Variants in TMEM108 observed in about 807,000 individuals in gnomAD.
TMEM108 encodes the protein transmembrane protein 108.
In TMEM108, 12 loss-of-function variants were observed where a neutral mutation model predicts 35.1. The observed-to-expected ratio is 0.34, with a 90% confidence interval of 0.22 to 0.55. TMEM108 has a LOEUF of 0.55. Ranked by LOEUF, TMEM108 falls within the 20% of genes least tolerant of loss-of-function variation. TMEM108 has a pLI of 0.89. For synonymous variants in TMEM108, 287 were observed against 308.6 expected (o/e 0.93, Z 0.73); for missense variants, 680 against 753.3 (o/e 0.90, Z 1.14).
At chr3:133,226,477 G>T (rs1946072776) in intron 2 of TMEM108, among the ~76,000 whole-genome samples, 1 of 152,168 alleles carries the variant, frequency 6.6e-6, no homozygotes. Context: ...CTAGAGTCAG[G>T]TTGGAATTTG....
In TMEM108 at chr3:133,075,267, T is replaced by A. The variant is rs559017632; in HGVS notation, c.-47+29247T>A. 6.6e-5 allele frequency among the ~76,000 whole-genome samples: 10 copies of A among 152,278 alleles called. No homozygotes were observed. In the East Asian group the frequency reaches 1.9e-3, roughly 29 times the overall value. Reference sequence around the variant, plus strand: ...GGGAGTCAAATTGCTGGGTCATACTTAATTTAACTAAGTAGTATTGGATTG... The same window carrying A: ...GGGAGTCAAATTGCTGGGTCATACTAAATTTAACTAAGTAGTATTGGATTG... On this transcript the variant is annotated intron_variant, in intron 2 of 5. Transcript: ENST00000321871.
At chr3:133,304,566 C>G (rs969489886) in intron 3 of TMEM108, among the ~76,000 whole-genome samples, 1 of 152,040 alleles carries the variant, frequency 6.6e-6, no homozygotes, top group Non-Finnish European at 1.5e-5. Flanking sequence ...TTTACCTTCT[C>G]CAGATTATTC....
At position 133,390,162 on chromosome 3, in the gene TMEM108, C is replaced by CTTGCT. The variant is rs2073213225; in HGVS notation, c.1451-14_1451-13insTTTGC. On this transcript the variant is annotated splice_polypyrimidine_tract_variant and intron_variant, in intron 4 of 5. Coordinates refer to ENST00000321871, the MANE Select transcript of TMEM108 (RefSeq NM_023943.4). Reference sequence around the variant, plus strand: ...CTTGCTGCCTCCCTCTCCTCTCTGACTTGCACTCTCTCCATAGCTGTCCTG... The same window carrying CTTGCT: ...CTTGCTGCCTCCCTCTCCTCTCTGACTTGCTTTGCACTCTCTCCATAGCTGTCCTG... 1 of 1,613,752 alleles carries CTTGCT rather than the reference C, an allele frequency of 6.2e-7. No homozygotes were observed. Among genetic ancestry groups the CTTGCT allele is most frequent in the African/African-American group, 1.3e-5 (1 of 74,920 alleles).
intron 2 of TMEM108, among the ~76,000 whole-genome samples, chr3:133,087,995 T>A (rs537162609): frequency 6.6e-6 from 1 of 152,280 alleles, no homozygotes; most frequent in African/African-American, 2.4e-5. Flanking sequence ...GCACTCTTTT[T>A]GGCAAAGAGA....
intron 4 of TMEM108, among the ~76,000 whole-genome samples, chr3:133,381,635 T>C (rs114390484): frequency 0.012 from 1,798 of 152,322 alleles, 41 homozygotes; most frequent in African/African-American, 0.041. Flanking sequence ...CTTCAAAATT[T>C]ACAGCCTCCA....
At chr3:133,213,803 G>C (rs1266263415) in intron 2 of TMEM108, among the ~76,000 whole-genome samples, 2 of 152,050 alleles carry the variant, frequency 1.3e-5, no homozygotes, top group Non-Finnish European at 2.9e-5. Context: ...TTGTGCTTTG[G>C]TGTGTTATTA....
chr3:133,369,688 C>G (rs1168224824), intron 3 of TMEM108, among the ~76,000 whole-genome samples: 1 of 152,198 alleles, frequency 6.6e-6, no homozygotes, highest in Non-Finnish European at 1.5e-5. Flanking sequence ...CTCCAAAGCA[C>G]ATCAGTAGGT....
At chr3:133,040,632 G>T (rs1051609566) in intron 1 of TMEM108, among the ~76,000 whole-genome samples, 2 of 152,154 alleles carry the variant, frequency 1.3e-5, no homozygotes, top group East Asian at 1.9e-4. Context: ...ACCGCAAAGG[G>T]TATGCATTGT....
chr3:133,246,757 G>A (rs1946392043), intron 3 of TMEM108: 1 of 152,148 alleles, frequency 6.6e-6, no homozygotes, highest in African/African-American at 2.4e-5. Flanking sequence ...CTGAACTGAG[G>A]AGCAGCATAC....
intron 2 of TMEM108, among the ~76,000 whole-genome samples, chr3:133,091,519 G>T (rs183956657): frequency 6.6e-6 from 1 of 152,296 alleles, no homozygotes; most frequent in Admixed American, 6.5e-5. Context: ...TTAGTAAGCT[G>T]CTAAGGAAAC....
chr3:133,186,220 A>T (rs543680067), intron 2 of TMEM108, among the ~76,000 whole-genome samples: 18 of 152,298 alleles, frequency 1.2e-4, no homozygotes, highest in African/African-American at 4.3e-4. Context: ...CTTCATTAGG[A>T]ACCGTTAAAG....
intron 2 of TMEM108, among the ~76,000 whole-genome samples, chr3:133,145,701 C>T (rs542553579): frequency 6.6e-6 from 1 of 152,070 alleles, no homozygotes; most frequent in Admixed American, 6.6e-5. Flanking sequence ...AGTTGTATTC[C>T]TAGGTATTTT....
intron 2 of TMEM108, among the ~76,000 whole-genome samples, chr3:133,101,170 T>C (rs1187889292): frequency 6.6e-6 from 1 of 152,202 alleles, no homozygotes; most frequent in Non-Finnish European, 1.5e-5. Context: ...GTTATTTTAT[T>C]ATGGACAGTG....
chr3:133,136,290 A>C (rs1944563641), intron 2 of TMEM108, among the ~76,000 whole-genome samples: 1 of 152,230 alleles, frequency 6.6e-6, no homozygotes, highest in South Asian at 2.1e-4. Flanking sequence ...TGACAAATGT[A>C]ACCCAGATTG....
intron 3 of TMEM108, among the ~76,000 whole-genome samples, chr3:133,260,666 A>C (rs1447390845): frequency 2.0e-5 from 3 of 152,206 alleles, no homozygotes; most frequent in African/African-American, 7.2e-5. Flanking sequence ...CCCATTGGAA[A>C]ATTCTAAACA....
At chr3:133,061,235 A>T (rs1277146465) in intron 2 of TMEM108, among the ~76,000 whole-genome samples, 1 of 139,272 alleles carries the variant, frequency 7.2e-6, no homozygotes, top group Non-Finnish European at 1.5e-5. Flanking sequence ...TTTTTGAGAC[A>T]GAGTCTCACT....
intron 2 of TMEM108, among the ~76,000 whole-genome samples, chr3:133,073,452 T>C (rs1943699137): frequency 8.5e-6 from 1 of 118,018 alleles, no homozygotes; most frequent in South Asian, 3.0e-4. Flanking sequence ...CAGGATTCTC[T>C]TTTTTTTTTT....
intron 2 of TMEM108, among the ~76,000 whole-genome samples, chr3:133,140,047 G>A (rs1559845134): frequency 6.6e-6 from 1 of 152,134 alleles, no homozygotes; most frequent in Non-Finnish European, 1.5e-5. Context: ...GATTCAGTAG[G>A]TGTTCTTTAT....
At chr3:133,354,610 A>T (rs2072106371) in intron 3 of TMEM108, among the ~76,000 whole-genome samples, 1 of 152,132 alleles carries the variant, frequency 6.6e-6, no homozygotes, top group Non-Finnish European at 1.5e-5. Context: ...TGAGCAGGAG[A>T]AGGACACAAG....
Sources: allele counts gnomAD v4.1 joint callset (sites outside exome capture counted in the v4.1 genomes callset), GRCh38; gene constraint gnomAD v4.1.1; transcripts MANE v1.5; gene names NCBI Gene and HGNC (gene_info 2026-07-23, HGNC 2026-07-21).